STAM2: variants seen among roughly 807,000 people sequenced by gnomAD.
STAM2 encodes the protein signal transducing adapter molecule 2.
Under a neutral mutation model 65.6 loss-of-function variants are expected in STAM2, and 51 were observed. The ratio of observed to expected loss-of-function variants is 0.78; its 90% CI spans 0.62 to 0.98. The LOEUF (loss-of-function observed/expected upper bound fraction) is 0.98, where lower values mean the gene tolerates loss of function less well. Among genes scored for constraint, STAM2 ranks in the 50% least tolerant of loss-of-function variants. STAM2 has a pLI of 0.00. For missense variants in STAM2, 584 were observed against 617.8 expected, an observed-to-expected ratio of 0.95 and a Z score of 0.58; for synonymous variants, 198 against 208.4, an observed-to-expected ratio of 0.95 and a Z score of 0.43.
At chr2:152,148,502 T>G (rs1396179959) in intron 2 of STAM2, among the ~76,000 whole-genome samples, 1 of 152,088 alleles carries the variant, frequency 6.6e-6, no homozygotes, top group Admixed American at 6.5e-5. Flanking sequence ...AGATCTCATC[T>G]CTATAAAAAA....
chr2:152,175,586 C>G lies in STAM2; in HGVS notation c.40+17G>C. 6.2e-7 allele frequency: 1 copy of G among 1,614,076 alleles called. No individual in the cohort carries two copies. Among genetic ancestry groups the G allele is most frequent in the East Asian group, 2.2e-5 (1 of 44,872 alleles). On this transcript the variant is annotated intron_variant, in intron 1 of 13. Transcript: ENST00000263904. ...GGGCCAGGCACACAGCAGTCCAGGA[C>G]CGGGCACAGCACTCACCCACGTCTT...
intron 7 of STAM2, 123 bp from the exon 8 acceptor site, chr2:152,135,726 T>A: frequency 1.6e-6 from 1 of 620,578 alleles, no homozygotes; most frequent in Non-Finnish European, 2.8e-6. Flanking sequence ...TATAATTGAG[T>A]CATTTTTCTT....
At chr2:152,172,642 G>A (rs2105573479) in intron 1 of STAM2, among the ~76,000 whole-genome samples, 1 of 152,206 alleles carries the variant, frequency 6.6e-6, no homozygotes, top group South Asian at 2.1e-4. Flanking sequence ...GCCGAGGCGG[G>A]CAGATCACTT....
intron 1 of STAM2, among the ~76,000 whole-genome samples, chr2:152,167,453 A>G (rs1182207094): frequency 6.6e-6 from 1 of 152,250 alleles, no homozygotes; most frequent in Admixed American, 6.5e-5. Context: ...ATCCTAAAAA[A>G]CAAAGGATGA....
At chr2:152,138,409 G>A (rs1264677246) in intron 7 of STAM2, among the ~76,000 whole-genome samples, 1 of 151,976 alleles carries the variant, frequency 6.6e-6, no homozygotes, top group Non-Finnish European at 1.5e-5. Context: ...TGTAATTAAA[G>A]CATACTACTG....
chr2:152,126,312 C>T lies in STAM2; in HGVS notation c.1093G>A (p.Val365Met). ...ACTGAGTACACTGGTGCTTCATTCACCAATTTGTTATATAGTTCCAGAGCT... is the reference window on the plus strand; with the variant it reads ...ACTGAGTACACTGGTGCTTCATTCATCAATTTGTTATATAGTTCCAGAGCT... ...LEALELYNKL[V>M]NEAPVYSVYS... The change falls in exon 12 of 14, where the codon GTG becomes ATG. Residue 365 changes from valine to methionine, a missense_variant. Transcript: ENST00000263904. 6.2e-7 allele frequency: 1 copy of T among 1,606,770 alleles called. No homozygotes were observed. Among genetic ancestry groups the T allele is most frequent in the African/African-American group, 1.3e-5 (1 of 74,762 alleles).
At chr2:152,168,956 A>C (rs1004094893) in intron 1 of STAM2, among the ~76,000 whole-genome samples, 2 of 152,246 alleles carry the variant, frequency 1.3e-5, no homozygotes, top group East Asian at 3.8e-4. Flanking sequence ...TGTGAAAATC[A>C]AAAGTTTAGT....
At chr2:152,161,243 T>G (rs1041211073) in intron 1 of STAM2, among the ~76,000 whole-genome samples, 1 of 151,178 alleles carries the variant, frequency 6.6e-6, no homozygotes, top group African/African-American at 2.4e-5. Context: ...CCACTCAGGG[T>G]TGAATGGATT....
intron 1 of STAM2, among the ~76,000 whole-genome samples, chr2:152,152,403 C>G (rs62176478): frequency 0.23 from 35,457 of 151,790 alleles, 4,228 homozygotes; most frequent in Admixed American, 0.31. Context: ...CAAAAAATTA[C>G]CCGGGTGTGG....
intron 8 of STAM2, among the ~76,000 whole-genome samples, chr2:152,134,734 C>T (rs1407904255): frequency 1.3e-5 from 2 of 152,076 alleles, no homozygotes; most frequent in African/African-American, 4.8e-5. Flanking sequence ...CTCACAGAAC[C>T]GTGAGATTGA....
At chr2:152,126,844 C>A (rs767735839) in intron 11 of STAM2, among the ~76,000 whole-genome samples, 28 of 152,332 alleles carry the variant, frequency 1.8e-4, no homozygotes, top group South Asian at 6.2e-4. Context: ...ACCAATCAGA[C>A]TGACTGTGGG....
At chr2:152,159,043 A>G (rs1689606941) in intron 1 of STAM2, among the ~76,000 whole-genome samples, 1 of 147,944 alleles carries the variant, frequency 6.8e-6, no homozygotes, top group Non-Finnish European at 1.5e-5. Flanking sequence ...AATTGCTTCT[A>G]CACCTTAAAA....
chr2:152,143,616 A>C (rs1290946200), intron 7 of STAM2, among the ~76,000 whole-genome samples: 2 of 152,240 alleles, frequency 1.3e-5, no homozygotes, highest in Non-Finnish European at 2.9e-5. Flanking sequence ...TCTTTCATCC[A>C]AGATATAAAT....
At chr2:152,140,826 T>C (rs1243351735) in intron 7 of STAM2, among the ~76,000 whole-genome samples, 4 of 152,072 alleles carry the variant, frequency 2.6e-5, no homozygotes, top group African/African-American at 9.7e-5. Flanking sequence ...TTATTTGAAA[T>C]GGTACACAGA....
At chr2:152,168,542 T>A (rs1689839182) in intron 1 of STAM2, among the ~76,000 whole-genome samples, 2 of 152,346 alleles carry the variant, frequency 1.3e-5, no homozygotes, top group South Asian at 2.1e-4. Flanking sequence ...ACTACACTGC[T>A]ATAGTATTAT....
chr2:152,174,827 T>C (rs1161601414), intron 1 of STAM2, among the ~76,000 whole-genome samples: 1 of 152,244 alleles, frequency 6.6e-6, no homozygotes, highest in Non-Finnish European at 1.5e-5. Flanking sequence ...AATACATACA[T>C]ATATTTCTCA....
chr2:152,140,476 T>C (rs1689225402), intron 7 of STAM2, among the ~76,000 whole-genome samples: 1 of 152,224 alleles, frequency 6.6e-6, no homozygotes, highest in Non-Finnish European at 1.5e-5. Context: ...ACTTTTGCAA[T>C]GACAATGACT....
intron 1 of STAM2, among the ~76,000 whole-genome samples, chr2:152,161,778 C>G (rs1689682963): frequency 6.6e-6 from 1 of 152,106 alleles, no homozygotes; most frequent in South Asian, 2.1e-4. Flanking sequence ...CTGGGGAAAG[C>G]AGCAATACAC....
chr2:152,167,918 AG>A (rs1315366521), intron 1 of STAM2, among the ~76,000 whole-genome samples: 3 of 151,990 alleles, frequency 2.0e-5, no homozygotes, highest in Non-Finnish European at 4.4e-5. Context: ...TCAAAAAAGA[AG>A]AAAAAATAAA....
Sources: allele counts gnomAD v4.1 joint callset (sites outside exome capture counted in the v4.1 genomes callset), GRCh38; gene constraint gnomAD v4.1.1; transcripts MANE v1.5; gene names NCBI Gene and HGNC (gene_info 2026-07-23, HGNC 2026-07-21).